Variants in LRBA observed in about 807,000 individuals in gnomAD.
LRBA encodes the protein lipopolysaccharide-responsive and beige-like anchor protein.
Under a neutral mutation model 330.0 loss-of-function variants are expected in LRBA, and 176 were observed. That is an observed-to-expected ratio of 0.53 (90% CI 0.47 to 0.60). The LOEUF (loss-of-function observed/expected upper bound fraction) is 0.60, where lower values mean the gene tolerates loss of function less well. Ranked by LOEUF, LRBA falls within the 20% of genes least tolerant of loss-of-function variation. LRBA has a pLI of 0.00. For missense variants in LRBA, 3,259 were observed against 3,444.8 expected (o/e 0.95, Z 1.35); for synonymous variants, 1,230 against 1,193.0 (o/e 1.03, Z -0.64).
intron 38 of LRBA, among the ~76,000 whole-genome samples, chr4:150,597,527 C>T (rs950068009): frequency 4.6e-5 from 7 of 151,618 alleles, no homozygotes; most frequent in Admixed American, 2.6e-4. Flanking sequence ...AATGTTTTTA[C>T]GAAAACATAT....
intron 47 of LRBA, among the ~76,000 whole-genome samples, chr4:150,395,528 T>C (rs1176861232): frequency 3.3e-5 from 5 of 152,146 alleles, no homozygotes; most frequent in Non-Finnish European, 5.9e-5. Flanking sequence ...CATTCTTTCC[T>C]AGCTTGAGTC....
intron 26 of LRBA, among the ~76,000 whole-genome samples, chr4:150,847,044 C>T (rs1469657428): frequency 1.3e-5 from 2 of 151,972 alleles, no homozygotes; most frequent in African/African-American, 4.8e-5. Flanking sequence ...GCAATAAAGT[C>T]TAAATATTTT....
chr4:150,814,762 G>A (rs991059900), intron 31 of LRBA, among the ~76,000 whole-genome samples: 1 of 151,894 alleles, frequency 6.6e-6, no homozygotes, highest in Non-Finnish European at 1.5e-5. Context: ...AGAAAAATAA[G>A]ATACATTATG....
chr4:150,731,683 C>T (rs1268981271), intron 36 of LRBA, among the ~76,000 whole-genome samples: 1 of 151,984 alleles, frequency 6.6e-6, no homozygotes, highest in African/African-American at 2.4e-5. Flanking sequence ...GGATGGTTAC[C>T]AGAGGCTAGG....
intron 47 of LRBA, among the ~76,000 whole-genome samples, chr4:150,415,209 T>C (rs1283284175): frequency 1.3e-5 from 2 of 152,242 alleles, no homozygotes; most frequent in African/African-American, 4.8e-5. Context: ...ATCATGTATA[T>C]ATGAATGTAA....
At chr4:150,603,836 T>C (rs1774360694) in intron 37 of LRBA, among the ~76,000 whole-genome samples, 1 of 152,166 alleles carries the variant, frequency 6.6e-6, no homozygotes, top group African/African-American at 2.4e-5. Flanking sequence ...ATATGTTTTA[T>C]GTTCTACAAG....
intron 35 of LRBA, among the ~76,000 whole-genome samples, chr4:150,745,091 C>CA (rs370301166): frequency 5.8e-4 from 89 of 152,234 alleles, no homozygotes; most frequent in African/African-American, 2.0e-3. Context: ...CTCAGTACCA[C>CA]AACAGCATGG....
intron 30 of LRBA, among the ~76,000 whole-genome samples, chr4:150,827,321 C>T (rs560079109): frequency 2.0e-5 from 3 of 152,252 alleles, no homozygotes; most frequent in African/African-American, 4.8e-5. Flanking sequence ...GTTTGTACCA[C>T]ATAGAAACAT....
intron 34 of LRBA, among the ~76,000 whole-genome samples, chr4:150,782,965 T>C (rs1738493420): frequency 6.6e-6 from 1 of 152,128 alleles, no homozygotes; most frequent in Non-Finnish European, 1.5e-5. Flanking sequence ...GCTCCAAGTG[T>C]TGGTTCTAAT....
At chr4:150,405,742 C>A (rs1222074361) in intron 47 of LRBA, among the ~76,000 whole-genome samples, 1 of 151,898 alleles carries the variant, frequency 6.6e-6, no homozygotes, top group Non-Finnish European at 1.5e-5. Context: ...TTGGTAATAA[C>A]CTGAAGTAAA....
chr4:150,729,553 T>C (rs114343289), intron 36 of LRBA, among the ~76,000 whole-genome samples: 208 of 152,270 alleles, frequency 1.4e-3, no homozygotes, highest in African/African-American at 4.9e-3. Flanking sequence ...ATCAATACTG[T>C]TAAAATATCC....
intron 22 of LRBA, among the ~76,000 whole-genome samples, chr4:150,860,140 T>C (rs921585155): frequency 9.2e-5 from 14 of 152,104 alleles, no homozygotes; most frequent in African/African-American, 3.4e-4. Flanking sequence ...TTCAAATAAA[T>C]TACTTTGTAT....
At chr4:150,571,107 C>A (rs1458328447) in intron 40 of LRBA, among the ~76,000 whole-genome samples, 1 of 152,062 alleles carries the variant, frequency 6.6e-6, no homozygotes, top group Non-Finnish European at 1.5e-5. Flanking sequence ...AAGTGGCAAT[C>A]ATCTTTCTCT....
intron 52 of LRBA, among the ~76,000 whole-genome samples, chr4:150,305,584 A>G (rs1358618431): frequency 6.6e-6 from 1 of 152,132 alleles, no homozygotes; most frequent in African/African-American, 2.4e-5. Flanking sequence ...GTATATAATT[A>G]TGAATAGGGA....
intron 38 of LRBA, among the ~76,000 whole-genome samples, chr4:150,593,011 A>G (rs190375475): frequency 3.4e-4 from 52 of 152,276 alleles, no homozygotes; most frequent in Middle Eastern, 3.4e-3. Context: ...CTATGTTCTA[A>G]AATCACTTAT....
At chr4:150,385,964 G>C (rs1420391073) in intron 47 of LRBA, among the ~76,000 whole-genome samples, 1 of 152,056 alleles carries the variant, frequency 6.6e-6, no homozygotes, top group Non-Finnish European at 1.5e-5. Flanking sequence ...AGGCTGACTC[G>C]GCCTCGTCTA....
At chr4:150,809,508 A>C (rs1429420044) in intron 31 of LRBA, among the ~76,000 whole-genome samples, 1 of 152,208 alleles carries the variant, frequency 6.6e-6, no homozygotes, top group East Asian at 1.9e-4. Flanking sequence ...CTGATCAAAT[A>C]CCATTGTACT....
chr4:150,351,262 T>C (rs1737115539), intron 47 of LRBA, among the ~76,000 whole-genome samples: 1 of 152,198 alleles, frequency 6.6e-6, no homozygotes, highest in Admixed American at 6.5e-5. Context: ...TTTAGGAAAC[T>C]ATCCATCTTT....
intron 5 of LRBA, among the ~76,000 whole-genome samples, chr4:150,919,058 A>T (rs1732955596): frequency 6.6e-6 from 1 of 152,236 alleles, no homozygotes; most frequent in Non-Finnish European, 1.5e-5. Flanking sequence ...TCCATACAAT[A>T]TAATACCAGC....
Sources: allele counts gnomAD v4.1 joint callset (sites outside exome capture counted in the v4.1 genomes callset), GRCh38; gene constraint gnomAD v4.1.1; transcripts MANE v1.5; gene names NCBI Gene and HGNC (gene_info 2026-07-23, HGNC 2026-07-21).